The following CASP5 variants were observed in gnomAD, a reference collection of about 807,000 sequenced individuals.
CASP5 encodes the protein caspase-5.
In CASP5, 42 loss-of-function variants were observed where a neutral mutation model predicts 45.2. That is an observed-to-expected ratio of 0.93 (90% confidence interval 0.73 to 1.20). The LOEUF (loss-of-function observed/expected upper bound fraction) is 1.20, where lower values mean the gene tolerates loss of function less well. Among genes scored for constraint, CASP5 ranks in the 50% most tolerant of loss-of-function variants. The pLI is 0.00. For synonymous variants in CASP5, 209 were observed against 186.2 expected (o/e 1.12, Z -1.00); for missense variants, 512 against 532.2 (o/e 0.96, Z 0.37).
In CASP5 at chr11:104,998,958, C is replaced by G; in HGVS notation, c.1023G>C (p.Glu341Asp). Residue 341 changes from glutamate to aspartate, a missense_variant, in exon 7 of 10, where the codon GAG becomes GAC. Glu to Asp is a conservative substitution (Grantham distance 45, BLOSUM62 2). Coordinates refer to ENST00000260315, the MANE Select transcript of CASP5 (RefSeq NM_004347.5). ...TGCAAACAGAATCTGCCTCCAGGTT[C>G]TCAGATGACTGTGAAGAGATGAGTG... ...SLALISSQSS[E>D]NLEADSVCKI... 2 of 1,613,910 alleles carry G rather than the reference C, an allele frequency of 1.2e-6. No individual in the cohort carries two copies. The highest frequency in any genetic ancestry group is 1.7e-6 in the Non-Finnish European group (2 of 1,179,814).
chr11:105,009,828 C>CAT (rs112147889), intron 1 of CASP5, among the ~76,000 whole-genome samples: 12 of 103,718 alleles, frequency 1.2e-4, no homozygotes, highest in South Asian at 2.7e-4. Context: ...TATATATACA[C>CAT]ATATATATAT....
chr11:104,998,470 T>C (rs1298547581), intron 7 of CASP5, among the ~76,000 whole-genome samples: 1 of 152,118 alleles, frequency 6.6e-6, no homozygotes, highest in Non-Finnish European at 1.5e-5. Flanking sequence ...TAGGATCAAG[T>C]GGGATATATG....
At chr11:105,004,617 T>A (rs929975998) in intron 3 of CASP5, among the ~76,000 whole-genome samples, 4 of 152,140 alleles carry the variant, frequency 2.6e-5, no homozygotes, top group Non-Finnish European at 5.9e-5. Context: ...AAATTTATAT[T>A]GTTTTTAAAT....
chr11:105,009,741 A>ACACG (rs1341863592), intron 1 of CASP5, among the ~76,000 whole-genome samples: 76 of 73,944 alleles, frequency 1.0e-3, no homozygotes, highest in African/African-American at 3.8e-3. Context: ...ATATATATAT[A>ACACG]TATATATATA....
intron 1 of CASP5, among the ~76,000 whole-genome samples, chr11:105,017,815 G>C (rs1274391792): frequency 1.4e-4 from 21 of 151,900 alleles, no homozygotes. Context: ...ATGCCACAAA[G>C]ATACTCCTCG....
At chr11:104,997,599 A>C in intron 7 of CASP5, 107 bp from the exon 8 acceptor site, 1 of 618,184 alleles carries the variant, frequency 1.6e-6, no homozygotes, top group Non-Finnish European at 2.8e-6. Context: ...ATTTATGGAA[A>C]TCCCTTATAA....
In CASP5 at chr11:105,003,390, G is replaced by A. The variant is rs1427726648; in HGVS notation, c.434-7C>T. ...GCCTCGATTTGCAGAAGAGCTGTGGGATATCACAAAATATAAATTATGGTT... is the reference window on the plus strand; with the variant it reads ...GCCTCGATTTGCAGAAGAGCTGTGGAATATCACAAAATATAAATTATGGTT... On this transcript the variant is annotated splice_region_variant and splice_polypyrimidine_tract_variant and intron_variant, in intron 3 of 9. Transcript: ENST00000260315. 3.3e-6 allele frequency: 5 copies of A among 1,495,952 alleles called. No individual in the cohort carries two copies. The highest frequency in any genetic ancestry group is 1.2e-5 in the South Asian group (1 of 84,944). The allele number at this position is 1,495,952 out of a possible 1,614,324, so 92.7% of individuals were successfully genotyped here. A position where few individuals can be genotyped will look rare whatever the true frequency, so the allele number is the denominator to read the frequency against.
At chr11:105,023,078 T>A (rs1863056359) in intron 1 of CASP5, 52 bp downstream of exon 1, 1 of 1,538,498 alleles carries the variant, frequency 6.5e-7, no homozygotes, top group South Asian at 1.2e-5. Flanking sequence ...AAATCAAGAT[T>A]TTTCTAAGAC....
In CASP5 at chr11:105,003,261, G is replaced by A. The variant is rs1346546373; in HGVS notation, c.543+13C>T. 12 of 1,426,008 alleles carry A rather than the reference G, an allele frequency of 8.4e-6. No homozygotes were observed. In the East Asian group the frequency reaches 2.7e-4, roughly 33 times the overall value. The allele number at this position is 1,426,008 out of a possible 1,614,324, so 88.3% of individuals were successfully genotyped here. A position where few individuals can be genotyped will look rare whatever the true frequency, so the allele number is the denominator to read the frequency against. On this transcript the variant is annotated intron_variant, in intron 4 of 9. Transcript: ENST00000260315. ...TCTCTCTTCTTCCCCATTTCATACA[G>A]AGAGCACAGCACCTCATCATGATTT...
At chr11:105,006,328 C>T (rs1246654334) in intron 3 of CASP5, among the ~76,000 whole-genome samples, 1 of 152,172 alleles carries the variant, frequency 6.6e-6, no homozygotes, top group Non-Finnish European at 1.5e-5. Flanking sequence ...GCGTATACTT[C>T]ATTTGTTTAT....
chr11:105,004,720 CG>C (rs2134712230), intron 3 of CASP5, among the ~76,000 whole-genome samples: 1 of 152,108 alleles, frequency 6.6e-6, no homozygotes, highest in East Asian at 1.9e-4. Flanking sequence ...ATGATAAAAG[CG>C]TGAGTTCTGG....
chr11:105,000,865 C>A (rs1861691859), intron 5 of CASP5, among the ~76,000 whole-genome samples: 1 of 152,154 alleles, frequency 6.6e-6, no homozygotes, highest in Non-Finnish European at 1.5e-5. Flanking sequence ...ACATACGTTG[C>A]TTAGAATAAA....
chr11:105,009,090 T>A, intron 1 of CASP5, 110 bp from the exon 2 acceptor site: 1 of 879,292 alleles, frequency 1.1e-6, no homozygotes, highest in South Asian at 1.6e-5. Flanking sequence ...ACATTCTGTC[T>A]TACCATGTCT....
At chr11:105,008,392 C>T (rs1862110357) in intron 2 of CASP5, among the ~76,000 whole-genome samples, 1 of 152,012 alleles carries the variant, frequency 6.6e-6, no homozygotes, top group Admixed American at 6.6e-5. Context: ...CCAGCCAACA[C>T]AATGTTTCTA....
intron 1 of CASP5, among the ~76,000 whole-genome samples, chr11:105,021,299 A>C (rs1259165252): frequency 2.1e-5 from 3 of 145,792 alleles, no homozygotes; most frequent in African/African-American, 4.9e-5. Flanking sequence ...AGAAGCCAAA[A>C]TTGACAAATG....
chr11:105,014,515 A>G (rs1473726812), intron 1 of CASP5, among the ~76,000 whole-genome samples: 1 of 152,204 alleles, frequency 6.6e-6, no homozygotes. Flanking sequence ...AGGGAAGTCT[A>G]ATAATTATCT....
In CASP5 at chr11:104,995,788, G is replaced by T; in HGVS notation, c.1261C>A (p.Arg421=). The part of the protein sequence containing the change: ...QAKAQMPTIE[R]ATLTRDFYLF... The stretch of plus-strand genomic sequence containing the variant: ...TAGAAATCTCTTGTCAAGGTTGCTC[G>T]TTCTATGGTGGGCATCTGGGCTTTA... The change falls in exon 9 of 10, where the codon CGA becomes AGA. Residue 421 remains arginine (R), a synonymous_variant. Transcript: ENST00000260315. 6.2e-7 allele frequency: 1 copy of T among 1,612,290 alleles called. No homozygotes were observed. The highest frequency in any genetic ancestry group is 8.5e-7 in the Non-Finnish European group (1 of 1,178,778).
intron 1 of CASP5, among the ~76,000 whole-genome samples, chr11:105,020,192 C>T (rs1440311148): frequency 1.3e-4 from 19 of 147,114 alleles, no homozygotes; most frequent in Non-Finnish European, 2.3e-4. Flanking sequence ...AAACCCACAG[C>T]CAATATCATA....
chr11:105,000,980 C>A (rs886468572), intron 5 of CASP5, among the ~76,000 whole-genome samples: 1 of 152,186 alleles, frequency 6.6e-6, no homozygotes, highest in African/African-American at 2.4e-5. Context: ...GTTTCATTTT[C>A]AGCTCAGCTC....
Sources: allele counts gnomAD v4.1 joint callset (sites outside exome capture counted in the v4.1 genomes callset), GRCh38; gene constraint gnomAD v4.1.1; transcripts MANE v1.5; gene names NCBI Gene and HGNC (gene_info 2026-07-23, HGNC 2026-07-21).